The following FA2H variants were observed in gnomAD, a reference collection of about 807,000 sequenced individuals.
FA2H encodes the protein fatty acid 2-hydroxylase, also known as fatty acid alpha-hydroxylase.
FA2H carries 22 observed loss-of-function variants against 44.9 expected under a neutral mutation model. That is an observed-to-expected ratio of 0.49 (90% CI 0.35 to 0.70). FA2H has a LOEUF of 0.70. FA2H is among the 30% of genes least tolerant of loss of function. The probability of loss-of-function intolerance (pLI) is 0.01; values close to 1 mark genes in which losing one functional copy is unlikely to be tolerated. For synonymous variants in FA2H, 243 were observed against 213.2 expected (o/e 1.14, Z -1.22); for missense variants, 501 against 504.9 (o/e 0.99, Z 0.07).
intron 1 of FA2H, among the ~76,000 whole-genome samples, chr16:74,744,597 G>A (rs1468405790): frequency 6.6e-6 from 1 of 151,926 alleles, no homozygotes; most frequent in Non-Finnish European, 1.5e-5. Flanking sequence ...GATGATGGGT[G>A]TTCACCATCA....
chr16:74,730,696 G>A (rs545264864), intron 2 of FA2H, among the ~76,000 whole-genome samples: 2 of 152,306 alleles, frequency 1.3e-5, no homozygotes, highest in South Asian at 2.1e-4. Flanking sequence ...GGGTCAAGGC[G>A]AGAATGTAAG....
chr16:74,756,311 A>G (rs1031197745), intron 1 of FA2H, among the ~76,000 whole-genome samples: 21 of 151,966 alleles, frequency 1.4e-4, no homozygotes, highest in African/African-American at 9.7e-5. Flanking sequence ...ACCCCTCCCC[A>G]TGCCCGCATC....
At chr16:74,765,061 G>C (rs1272003935) in intron 1 of FA2H, among the ~76,000 whole-genome samples, 1 of 152,138 alleles carries the variant, frequency 6.6e-6, no homozygotes, top group Non-Finnish European at 1.5e-5. Context: ...AAAGAACCGA[G>C]GACAAAGGCA....
At chr16:74,716,762 G>C in intron 5 of FA2H, 163 bp from the exon 6 acceptor site, 1 of 713,172 alleles carries the variant, frequency 1.4e-6, no homozygotes, top group East Asian at 2.7e-5. Flanking sequence ...CACCACGTCT[G>C]GAAGATCTGG....
intron 1 of FA2H, among the ~76,000 whole-genome samples, chr16:74,754,690 G>A (rs915804294): frequency 2.0e-5 from 3 of 151,842 alleles, no homozygotes; most frequent in Admixed American, 6.6e-5. Context: ...ACCACATCCG[G>A]GTAATTTTTG....
chr16:74,734,737 C>T (rs779418418), intron 2 of FA2H, among the ~76,000 whole-genome samples: 3 of 152,202 alleles, frequency 2.0e-5, no homozygotes, highest in South Asian at 2.1e-4. Flanking sequence ...TGGCATAGGA[C>T]GCTTTCCTGG....
intron 4 of FA2H, chr16:74,725,985 C>T (rs1597545800): frequency 2.0e-6 from 1 of 499,190 alleles, no homozygotes. Context: ...ATTGCTATGC[C>T]ACCCGATGAT....
chr16:74,754,904 T>G (rs1231902410), intron 1 of FA2H, among the ~76,000 whole-genome samples: 2 of 152,002 alleles, frequency 1.3e-5, no homozygotes, highest in Non-Finnish European at 2.9e-5. Context: ...TCAGTATGAC[T>G]AGCATCCTCC....
At chr16:74,717,836 T>G (rs1961740509) in intron 5 of FA2H, among the ~76,000 whole-genome samples, 1 of 152,106 alleles carries the variant, frequency 6.6e-6, no homozygotes, top group Non-Finnish European at 1.5e-5. Context: ...TGGTGTCCCC[T>G]GTGGATGGGA....
intron 1 of FA2H, among the ~76,000 whole-genome samples, chr16:74,758,265 C>T (rs946003602): frequency 3.3e-5 from 5 of 151,324 alleles, no homozygotes; most frequent in African/African-American, 4.9e-5. Flanking sequence ...GGATTATAGG[C>T]GCACACCACC....
At chr16:74,745,599 A>G (rs1294193222) in intron 1 of FA2H, among the ~76,000 whole-genome samples, 1 of 152,172 alleles carries the variant, frequency 6.6e-6, no homozygotes, top group Non-Finnish European at 1.5e-5. Flanking sequence ...CGTGCCGGGC[A>G]ATGGAGGGTA....
chr16:74,757,943 G>A (rs527774216), intron 1 of FA2H, among the ~76,000 whole-genome samples: 8 of 152,096 alleles, frequency 5.3e-5, no homozygotes, highest in Admixed American at 1.3e-4. Flanking sequence ...CACCTGAGCC[G>A]GGGAGGTCAA....
At chr16:74,723,172 T>C (rs1252743610) in intron 4 of FA2H, among the ~76,000 whole-genome samples, 2 of 152,228 alleles carry the variant, frequency 1.3e-5, no homozygotes, top group African/African-American at 4.8e-5. Flanking sequence ...ATTGTACACC[T>C]ATGGGCATTT....
rs1460514187 is a variant in FA2H at position 74,774,476 on chromosome 16, C to T, written c.270+10G>A. The T allele has an allele frequency of 2.0e-6, 3 of 1,501,740 alleles. No homozygotes were observed. In the Admixed American group the frequency reaches 6.2e-5, roughly 31 times the overall value. The allele number at this position is 1,501,740 out of a possible 1,614,324, so 93.0% of individuals were successfully genotyped here. Reference sequence around the variant, plus strand: ...CTGGGTTGGGGTGGGGGGCCCCGGCCCGGCTGTACCTGCTGCTCCCCGCGG... The same window carrying T: ...CTGGGTTGGGGTGGGGGGCCCCGGCTCGGCTGTACCTGCTGCTCCCCGCGG... On this transcript the variant is annotated intron_variant, in intron 1 of 6. Transcript: ENST00000219368.
Position 74,718,903 on chromosome 16 carries a change from T to C in FA2H, c.786+85A>G, listed in dbSNP as rs1446150066. The stretch of plus-strand genomic sequence containing the variant: ...ACCCACAGCCAGACTCCCAGGAGGC[T>C]CCGCAGCACCTGAAGCTGCGGCTGG... On this transcript the variant is annotated intron_variant, in intron 5 of 6. Transcript: ENST00000219368. The C allele has an allele frequency of 2.0e-6, 3 of 1,484,904 alleles. No homozygotes were observed. In the Admixed American group the frequency reaches 5.4e-5, roughly 27 times the overall value. The allele number at this position is 1,484,904 out of a possible 1,614,324, so 92.0% of individuals were successfully genotyped here. A position where few individuals can be genotyped will look rare whatever the true frequency, so the allele number is the denominator to read the frequency against.
rs1483492053 is a variant in FA2H at position 74,774,533 on chromosome 16, G to C, written c.223C>G (p.Arg75Gly). 4 of 1,544,338 alleles carry C rather than the reference G, an allele frequency of 2.6e-6. No homozygotes were observed. Among genetic ancestry groups the C allele is most frequent in the Non-Finnish European group, 3.5e-6 (4 of 1,155,004 alleles). The change falls in exon 1 of 7, where the codon CGC (arginine) becomes GGC (glycine). Residue 75 changes from arginine (R) to glycine (G), a missense_variant. By Grantham distance (125) the Arg-to-Gly change is moderately radical. Coordinates refer to ENST00000219368, the MANE Select transcript of FA2H (RefSeq NM_024306.5). ...CCCACGTAGTACTGCTCCAGCCAGC[G>C]GCGCGCGTTGGCCGAGTGCCTGTGC... The part of the protein sequence containing the change: ...PPHRHSANAR[R>G]WLEQYYVGEL...
chr16:74,725,199 C>A (rs999088483), intron 4 of FA2H, among the ~76,000 whole-genome samples: 4 of 152,212 alleles, frequency 2.6e-5, no homozygotes, highest in African/African-American at 9.7e-5. Flanking sequence ...CAGACTCATC[C>A]TGGGTCAGGT....
intron 2 of FA2H, among the ~76,000 whole-genome samples, chr16:74,730,324 G>A (rs1962048783): frequency 6.6e-6 from 1 of 152,206 alleles, no homozygotes; most frequent in South Asian, 2.1e-4. Context: ...GGGGTTGGGG[G>A]GTTCACTTCC....
At chr16:74,735,841 GGCA>G (rs1188853616) in intron 2 of FA2H, among the ~76,000 whole-genome samples, 1 of 152,180 alleles carries the variant, frequency 6.6e-6, no homozygotes, top group Non-Finnish European at 1.5e-5. Flanking sequence ...AAATTAGCCA[GGCA>G]TGGTGGTATG....
Sources: allele counts gnomAD v4.1 joint callset (sites outside exome capture counted in the v4.1 genomes callset), GRCh38; gene constraint gnomAD v4.1.1; transcripts MANE v1.5; gene names NCBI Gene and HGNC (gene_info 2026-07-23, HGNC 2026-07-21).